The following TCF12 variants were observed in gnomAD, a reference collection of about 807,000 sequenced individuals.
The protein encoded by TCF12 is transcription factor 12.
Under a neutral mutation model 86.0 loss-of-function variants are expected in TCF12, and 45 were observed. That is an observed-to-expected ratio of 0.52 (90% CI 0.41 to 0.67). The LOEUF is 0.67. TCF12 is among the 30% of genes least tolerant of loss of function. TCF12 has a pLI of 0.00. For missense variants in TCF12, 881 were observed against 859.9 expected, an observed-to-expected ratio of 1.02 and a Z score of -0.31; for synonymous variants, 330 against 299.6, an observed-to-expected ratio of 1.10 and a Z score of -1.05.
intron 4 of TCF12, among the ~76,000 whole-genome samples, chr15:57,067,690 C>G (rs1420788243): frequency 1.3e-5 from 2 of 152,066 alleles, no homozygotes; most frequent in South Asian, 2.1e-4. Context: ...GTTCCTTCCT[C>G]TCTACTTTTG....
chr15:57,285,085 T>C (rs571075581), intron 20 of TCF12, among the ~76,000 whole-genome samples: 9 of 152,344 alleles, frequency 5.9e-5, no homozygotes, highest in South Asian at 2.1e-4. Flanking sequence ...AAGATAGTTA[T>C]CTGGTTTCAT....
At chr15:56,972,968 A>G (rs1481298585) in intron 3 of TCF12, among the ~76,000 whole-genome samples, 2 of 152,178 alleles carry the variant, frequency 1.3e-5, no homozygotes, top group African/African-American at 4.8e-5. Flanking sequence ...GTTTTCCTGG[A>G]GAGCTATGGG....
intron 5 of TCF12, among the ~76,000 whole-genome samples, chr15:57,141,010 G>A (rs1005648635): frequency 6.6e-6 from 1 of 152,002 alleles, no homozygotes; most frequent in Non-Finnish European, 1.5e-5. Context: ...AGGTCTTTAT[G>A]ATGTGTTTTT....
At chr15:57,222,574 T>C (rs541808412) in intron 8 of TCF12, among the ~76,000 whole-genome samples, 246 of 151,872 alleles carry the variant, frequency 1.6e-3, no homozygotes, top group African/African-American at 5.7e-3. Context: ...TTGCACCTTA[T>C]ACTGTTTTGA....
At chr15:57,212,077 A>G (rs2058134446) in intron 8 of TCF12, among the ~76,000 whole-genome samples, 1 of 152,178 alleles carries the variant, frequency 6.6e-6, no homozygotes, top group African/African-American at 2.4e-5. Context: ...TGAATCTTGA[A>G]TACAACAAGA....
intron 13 of TCF12, among the ~76,000 whole-genome samples, chr15:57,249,432 CTG>C (rs1377245337): frequency 2.7e-5 from 4 of 150,914 alleles, no homozygotes; most frequent in Non-Finnish European, 4.4e-5. Context: ...AAAAAATTAA[CTG>C]AAGTGCATAT....
chr15:57,217,032 C>A (rs748370397), intron 8 of TCF12, among the ~76,000 whole-genome samples: 16 of 151,858 alleles, frequency 1.1e-4, no homozygotes, highest in Non-Finnish European at 1.6e-4. Flanking sequence ...TATCTATGCT[C>A]AATTTAGGCA....
intron 3 of TCF12, among the ~76,000 whole-genome samples, chr15:57,006,887 G>C (rs530754777): frequency 6.6e-6 from 1 of 152,270 alleles, no homozygotes; most frequent in African/African-American, 2.4e-5. Context: ...CTGCACTTCA[G>C]CATGGGTGAC....
chr15:57,036,815 T>A (rs1359348067), intron 3 of TCF12, among the ~76,000 whole-genome samples: 4 of 152,166 alleles, frequency 2.6e-5, no homozygotes, highest in Non-Finnish European at 5.9e-5. Context: ...TTTCCCTTTT[T>A]AAAAAAATTA....
At chr15:57,263,381 T>C (rs2060681673) in intron 18 of TCF12, 107 bp downstream of exon 18, 4 of 1,184,922 alleles carry the variant, frequency 3.4e-6, no homozygotes, top group Non-Finnish European at 3.6e-6. Context: ...GTTCTAGATA[T>C]TGTGTTAGGA....
intron 4 of TCF12, among the ~76,000 whole-genome samples, chr15:57,067,032 C>G (rs17819839): frequency 0.04 from 6,144 of 152,276 alleles, 373 homozygotes; most frequent in Admixed American, 0.17. Flanking sequence ...AACTTCTTAT[C>G]TCTGTGTTAG....
At chr15:56,957,092 G>A (rs527358476) in intron 3 of TCF12, among the ~76,000 whole-genome samples, 1 of 152,134 alleles carries the variant, frequency 6.6e-6, no homozygotes, top group Non-Finnish European at 1.5e-5. Flanking sequence ...GCCTTTCTGT[G>A]TTATGATGCT....
intron 13 of TCF12, chr15:57,251,106 A>T (rs2060095624): frequency 2.0e-5 from 8 of 398,584 alleles, no homozygotes; most frequent in Non-Finnish European, 3.6e-5. Context: ...TGCAAACATA[A>T]AGGTAGCTGT....
chr15:56,919,794 C>A, intron 1 of TCF12, 98 bp from the exon 2 acceptor site: 2 of 1,094,666 alleles, frequency 1.8e-6, no homozygotes, highest in Non-Finnish European at 2.6e-6. Flanking sequence ...CCCGGCGCCC[C>A]CAGCGCTCTT....
intron 5 of TCF12, among the ~76,000 whole-genome samples, chr15:57,130,515 A>G (rs1020260641): frequency 2.6e-5 from 4 of 152,194 alleles, no homozygotes; most frequent in Non-Finnish European, 4.4e-5. Context: ...CAGATACTCT[A>G]GAGTGCATTA....
intron 3 of TCF12, among the ~76,000 whole-genome samples, chr15:56,959,001 C>T (rs778628112): frequency 6.6e-6 from 1 of 152,128 alleles, no homozygotes; most frequent in African/African-American, 2.4e-5. Flanking sequence ...CTGTCTTCTA[C>T]AGCAGTGAGA....
At chr15:57,034,655 T>C (rs2066395459) in intron 3 of TCF12, among the ~76,000 whole-genome samples, 1 of 152,208 alleles carries the variant, frequency 6.6e-6, no homozygotes, top group South Asian at 2.1e-4. Flanking sequence ...ATACTTTTCA[T>C]TTCATACTCA....
At chr15:57,151,986 A>G (rs574100604) in intron 5 of TCF12, among the ~76,000 whole-genome samples, 12 of 152,192 alleles carry the variant, frequency 7.9e-5, no homozygotes, top group Non-Finnish European at 1.6e-4. Flanking sequence ...GGTTTATAGC[A>G]TCTGTTATAA....
At chr15:57,075,822 C>T (rs968759499) in intron 4 of TCF12, among the ~76,000 whole-genome samples, 1,168 of 56,364 alleles carry the variant, frequency 0.021, 33 homozygotes, top group Middle Eastern at 0.06. Flanking sequence ...CTCTCTCTCT[C>T]TCTCTCTCTC....
Sources: gnomAD v4.1 joint callset for allele counts (sites outside exome capture counted in the v4.1 genomes callset) on GRCh38, gnomAD v4.1.1 for gene constraint, MANE v1.5 for transcripts, NCBI Gene and HGNC (gene_info 2026-07-23, HGNC 2026-07-21) for gene names.